The following SAP30BP variants were observed in gnomAD, a reference collection of about 807,000 sequenced individuals.
The protein encoded by SAP30BP is SAP30 binding protein.
SAP30BP carries 31 observed loss-of-function variants against 46.3 expected under a neutral mutation model. That is an observed-to-expected ratio of 0.67 (90% CI 0.50 to 0.90). The LOEUF (loss-of-function observed/expected upper bound fraction) is 0.90, where lower values mean the gene tolerates loss of function less well. Ranked by LOEUF, SAP30BP falls within the 40% of genes least tolerant of loss-of-function variation. The probability of loss-of-function intolerance (pLI) is 0.00; values close to 1 mark genes in which losing one functional copy is unlikely to be tolerated. For synonymous variants in SAP30BP, 169 were observed against 144.2 expected, an observed-to-expected ratio of 1.17 and a Z score of -1.23; for missense variants, 312 against 391.0, an observed-to-expected ratio of 0.80 and a Z score of 1.70.
chr17:75,667,503 A>C, intron 1 of SAP30BP, 25 bp downstream of exon 1: 4 of 1,606,380 alleles, frequency 2.5e-6, no homozygotes, highest in Non-Finnish European at 3.4e-6. Flanking sequence ...CGAAGCTGGA[A>C]GGGGGAATCG....
At chr17:75,698,271 C>T (rs1038605398) in intron 4 of SAP30BP, among the ~76,000 whole-genome samples, 2 of 152,218 alleles carry the variant, frequency 1.3e-5, no homozygotes, top group African/African-American at 4.8e-5. Flanking sequence ...CTTTTGTTCT[C>T]AGGAATGAGG....
In SAP30BP at chr17:75,703,374, G is replaced by A. The variant is rs769878166; in HGVS notation, c.549+3G>A. 4 of 1,613,802 alleles carry A rather than the reference G, an allele frequency of 2.5e-6. No homozygotes were observed. Among genetic ancestry groups the A allele is most frequent in the Admixed American group, 3.3e-5 (2 of 60,024 alleles). On this transcript the variant is annotated splice_donor_region_variant and intron_variant, in intron 7 of 10. Coordinates refer to ENST00000584667, the MANE Select transcript of SAP30BP (RefSeq NM_013260.8). The stretch of plus-strand genomic sequence containing the variant: ...AGCTTGGCACCAACTACCCAAAGGT[G>A]CGTCTGGCACACGGGGCTGGAGGGT...
rs1159816495 is a variant in SAP30BP at position 75,706,953 on chromosome 17, G to A, written c.*432G>A. The stretch of plus-strand genomic sequence containing the variant: ...ACCGTTGTTATCCGTGTATGCCTCT[G>A]GGCATGGACAGGCGGGAGTCCCCGA... On this transcript the variant is annotated 3_prime_UTR_variant, in exon 11 of 11. Transcript: ENST00000584667. This position sits in a 1 kb window ranked among gnomAD's most constrained non-coding sequence, Gnocchi z 4.6. The A allele has an allele frequency of 5.6e-6, 1 of 179,092 alleles. No homozygotes were observed. Among genetic ancestry groups the A allele is most frequent in the Non-Finnish European group, 1.2e-5 (1 of 83,400 alleles). 11.1% of individuals were successfully genotyped at this position (179,092 alleles called of 1,614,324 possible).
intron 3 of SAP30BP, among the ~76,000 whole-genome samples, chr17:75,688,883 C>G (rs956641893): frequency 1.1e-4 from 17 of 152,154 alleles, no homozygotes; most frequent in African/African-American, 4.1e-4. Flanking sequence ...TTCCAAGTCT[C>G]AGTCACAGTT....
chr17:75,702,094 C>T (rs150197021), intron 5 of SAP30BP, among the ~76,000 whole-genome samples: 23 of 152,334 alleles, frequency 1.5e-4, no homozygotes, highest in African/African-American at 4.6e-4. Flanking sequence ...ATGATCTCAG[C>T]TCACTGCAAC....
chr17:75,674,690 G>GTTTTTTT lies in SAP30BP; in HGVS notation c.264+2833_264+2834insTTTTTTT, dbSNP rs1287087489. 7.7e-3 allele frequency among the ~76,000 whole-genome samples: 306 copies of GTTTTTTT among 39,538 alleles called. 20 individuals are homozygous for GTTTTTTT. Among genetic ancestry groups the GTTTTTTT allele is most frequent in the African/African-American group, 0.013 (194 of 15,096 alleles). 25.9% of individuals were successfully genotyped at this position (39,538 alleles called of 152,430 possible). A position where few individuals can be genotyped will look rare whatever the true frequency, so the allele number is the denominator to read the frequency against. Reference sequence around the variant, plus strand: ...TTAAGCATATGAAGTTTTTTTGTTTGTTTTTTGTTTTTTTTTTTTTTTTTT... The same window carrying GTTTTTTT: ...TTAAGCATATGAAGTTTTTTTGTTTGTTTTTTTTTTTTTGTTTTTTTTTTTTTTTTTT... On this transcript the variant is annotated intron_variant, in intron 3 of 10. Transcript: ENST00000584667.
intron 3 of SAP30BP, among the ~76,000 whole-genome samples, chr17:75,687,921 T>C (rs3071628): frequency 1.2e-4 from 11 of 90,380 alleles, no homozygotes; most frequent in African/African-American, 3.7e-4. Context: ...GTTTGGGGTG[T>C]GTGTGTGTGT....
At chr17:75,670,399 C>A (rs1416246348) in intron 2 of SAP30BP, among the ~76,000 whole-genome samples, 1 of 152,050 alleles carries the variant, frequency 6.6e-6, no homozygotes, top group Non-Finnish European at 1.5e-5. Context: ...ACTTTCATGC[C>A]TTTAGCCCCA....
rs1299915724 is a variant in SAP30BP, at chr17:75,705,637, G to A, written c.661-371G>A. 11 of 1,061,130 alleles carry A rather than the reference G, an allele frequency of 1.0e-5. No individual in the cohort carries two copies. In the African/African-American group the frequency reaches 1.3e-4, roughly 13 times the overall value. 65.7% of individuals were successfully genotyped at this position (1,061,130 alleles called of 1,614,324 possible). A position where few individuals can be genotyped will look rare whatever the true frequency, so the allele number is the denominator to read the frequency against. ...CTTGTTGCAGGGACGTGTCTGCAGC[G>A]CCTGGGGACCGGAGCTGTCCTTCCC... On this transcript the variant is annotated intron_variant, in intron 9 of 10. Transcript: ENST00000584667.
At chr17:75,692,259 A>G in intron 3 of SAP30BP, 1 of 985,582 alleles carries the variant, frequency 1.0e-6, no homozygotes, top group East Asian at 1.1e-4. Flanking sequence ...CCTTCCTGGC[A>G]CCTTCCTTTT....
chr17:75,702,008 GAA>G (rs1300649818), intron 5 of SAP30BP, among the ~76,000 whole-genome samples: 1 of 152,184 alleles, frequency 6.6e-6, no homozygotes, highest in Non-Finnish European at 1.5e-5. Flanking sequence ...GCAGGGTGGA[GAA>G]AGAGAATAGA....
chr17:75,668,526 C>G lies in SAP30BP; in HGVS notation c.117C>G (p.Gly39=). The change falls in exon 2 of 11, where the codon GGC becomes GGG. Residue 39 remains glycine, a synonymous_variant. Transcript: ENST00000584667. ...TTTTTAACCTTTCAGAGGAGAAAGG[C>G]GGATTGGTATCTGATGCCTATGGGG... The part of the protein sequence containing the change: ...EAVGSAAEEK[G]GLVSDAYGED... The G allele has an allele frequency of 6.4e-7, 1 of 1,559,586 alleles. No homozygotes were observed. Among genetic ancestry groups the G allele is most frequent in the Non-Finnish European group, 8.7e-7 (1 of 1,155,218 alleles).
At chr17:75,697,876 T>G (rs1045568563) in intron 4 of SAP30BP, among the ~76,000 whole-genome samples, 1 of 152,084 alleles carries the variant, frequency 6.6e-6, no homozygotes, top group Non-Finnish European at 1.5e-5. Context: ...TAACCCAGCA[T>G]GGGGAGAGGA....
At chr17:75,682,299 C>T (rs1216084095) in intron 3 of SAP30BP, among the ~76,000 whole-genome samples, 1 of 151,942 alleles carries the variant, frequency 6.6e-6, no homozygotes, top group Non-Finnish European at 1.5e-5. Context: ...ATTCTCCTGC[C>T]TCAGCCTCTC....
intron 3 of SAP30BP, chr17:75,692,367 T>C (rs1373456813): frequency 3.0e-6 from 3 of 985,300 alleles, no homozygotes; most frequent in Non-Finnish European, 3.6e-6. Context: ...TCCTGTCTCA[T>C]CTCCTCCCTC....
At chr17:75,701,361 C>T (rs919057103) in intron 5 of SAP30BP, among the ~76,000 whole-genome samples, 6 of 152,194 alleles carry the variant, frequency 3.9e-5, no homozygotes, top group African/African-American at 7.2e-5. Flanking sequence ...TGCCATGACA[C>T]TCTGGTGTCT....
At chr17:75,688,617 G>C (rs182484784) in intron 3 of SAP30BP, among the ~76,000 whole-genome samples, 18 of 152,222 alleles carry the variant, frequency 1.2e-4, no homozygotes, top group Middle Eastern at 6.8e-3. Context: ...TTCCAGGAAG[G>C]ATTGAGGAAG....
chr17:75,677,685 A>G (rs1337866531), intron 3 of SAP30BP, among the ~76,000 whole-genome samples: 3 of 141,406 alleles, frequency 2.1e-5, no homozygotes, highest in Non-Finnish European at 3.0e-5. Flanking sequence ...ACCTCAAGTG[A>G]TCCACCCACC....
intron 3 of SAP30BP, among the ~76,000 whole-genome samples, chr17:75,674,738 C>T (rs1448333765): frequency 2.0e-5 from 2 of 101,314 alleles, no homozygotes; most frequent in African/African-American, 4.0e-5. Flanking sequence ...GGTGGAGTCT[C>T]CTCTGTCGCC....
Sources: allele counts gnomAD v4.1 joint callset (sites outside exome capture counted in the v4.1 genomes callset), GRCh38; gene constraint gnomAD v4.1.1; non-coding constraint Gnocchi (gnomAD v3.1); transcripts MANE v1.5; gene names NCBI Gene and HGNC (gene_info 2026-07-23, HGNC 2026-07-21).